Variants in PHLPP1 observed in about 807,000 individuals in gnomAD.
PHLPP1 encodes the protein PH domain and leucine rich repeat protein phosphatase 1.
A neutral mutation model predicts 117.2 loss-of-function variants in PHLPP1; 42 were observed. That is an observed-to-expected ratio of 0.36 (90% CI 0.28 to 0.46). The LOEUF is 0.46. Ranked by LOEUF, PHLPP1 falls within the 20% of genes least tolerant of loss-of-function variation. PHLPP1 has a pLI of 1.00. For synonymous variants in PHLPP1, 1,042 were observed against 970.7 expected (o/e 1.07, Z -1.37); for missense variants, 2,084 against 2,241.9 (o/e 0.93, Z 1.42).
intron 1 of PHLPP1, among the ~76,000 whole-genome samples, chr18:62,721,141 A>G (rs1910903597): frequency 6.6e-6 from 1 of 152,154 alleles, no homozygotes; most frequent in Non-Finnish European, 1.5e-5. Context: ...TCTAGTTCAA[A>G]GTGGTATTTC....
chr18:62,717,309 C>T, intron 1 of PHLPP1, 50 bp downstream of exon 1: 1 of 1,520,006 alleles, frequency 6.6e-7, no homozygotes, highest in South Asian at 1.3e-5. Context: ...TGCCGAGGAC[C>T]GAGGAGTGAT....
chr18:62,912,291 T>C (rs1916974795), intron 8 of PHLPP1, among the ~76,000 whole-genome samples: 1 of 129,290 alleles, frequency 7.7e-6, no homozygotes, highest in Non-Finnish European at 1.7e-5. Context: ...ACCCTAAAAC[T>C]TAGAGTATAA....
At chr18:62,796,969 G>A (rs949679065) in intron 1 of PHLPP1, among the ~76,000 whole-genome samples, 4 of 152,164 alleles carry the variant, frequency 2.6e-5, no homozygotes, top group Non-Finnish European at 5.9e-5. Context: ...AGCCCAGATT[G>A]CCATTTCTTA....
At chr18:62,830,498 G>T (rs1914728711) in intron 2 of PHLPP1, among the ~76,000 whole-genome samples, 1 of 152,104 alleles carries the variant, frequency 6.6e-6, no homozygotes, top group Non-Finnish European at 1.5e-5. Context: ...CAAAGTGCTG[G>T]GATTACAGGT....
rs71352589 is a variant in PHLPP1 at position 62,720,983 on chromosome 18, G to C, written c.1576+3724G>C. 2.6e-5 allele frequency among the ~76,000 whole-genome samples: 4 copies of C among 152,254 alleles called. No individual in the cohort carries two copies. In the East Asian group the frequency reaches 5.8e-4, roughly 22 times the overall value. ...GTCGTATTTCCGTCCTCGGGAGGGC[G>C]GAGAATAGAGAGCTTGGGTATTTTA... On this transcript the variant is annotated intron_variant, in intron 1 of 16. Transcript: ENST00000262719.
chr18:62,736,871 C>T (rs1911383252), intron 1 of PHLPP1, among the ~76,000 whole-genome samples: 1 of 152,130 alleles, frequency 6.6e-6, no homozygotes, highest in African/African-American at 2.4e-5. Context: ...ACTTGGTTTT[C>T]TTCTAGGAGC....
At position 62,978,395 on chromosome 18, in the gene PHLPP1, G is replaced by A. The variant is rs773184753; in HGVS notation, c.4118G>A (p.Ser1373Asn). ...CAGGATGAGTTCTTCATCCTAGGCAGTAAGGGGTTGTGGGACAGCCTGTCC... is the reference window on the plus strand; with the variant it reads ...CAGGATGAGTTCTTCATCCTAGGCAATAAGGGGTTGTGGGACAGCCTGTCC... ...TPQDEFFILG[S>N]KGLWDSLSVE... The change falls in exon 17 of 17, where the codon AGT becomes AAT. Residue 1373 changes from serine to asparagine, a missense_variant. By Grantham distance (46) the Ser-to-Asn change is conservative. Coordinates refer to ENST00000262719, the MANE Select transcript of PHLPP1 (RefSeq NM_194449.4). This position sits in a 1 kb window ranked among gnomAD's most constrained non-coding sequence, Gnocchi z 7.0. The A allele has an allele frequency of 9.9e-6, 16 of 1,612,404 alleles. 1 individual carries two copies. The highest frequency in any genetic ancestry group is 1.4e-5 in the Non-Finnish European group (16 of 1,179,364).
At chr18:62,820,412 A>T (rs1914417165) in intron 1 of PHLPP1, among the ~76,000 whole-genome samples, 1 of 152,228 alleles carries the variant, frequency 6.6e-6, no homozygotes, top group Non-Finnish European at 1.5e-5. Flanking sequence ...CATATGGAAC[A>T]TTGATATGGT....
At chr18:62,828,534 A>G (rs1394780035) in intron 1 of PHLPP1, among the ~76,000 whole-genome samples, 3 of 152,192 alleles carry the variant, frequency 2.0e-5, no homozygotes, top group Non-Finnish European at 4.4e-5. Flanking sequence ...AGTGTGAAGT[A>G]TTTATTTTAT....
At chr18:62,842,542 T>C (rs1915080442) in intron 3 of PHLPP1, among the ~76,000 whole-genome samples, 1 of 152,122 alleles carries the variant, frequency 6.6e-6, no homozygotes, top group African/African-American at 2.4e-5. Context: ...TTTTGTATTT[T>C]TAGTAGAAAC....
At chr18:62,832,126 T>C (rs1914775476) in intron 2 of PHLPP1, 1 of 152,236 alleles carries the variant, frequency 6.6e-6, no homozygotes, top group Non-Finnish European at 1.5e-5. Context: ...GCAAATCTAA[T>C]ATAACTATTC....
intron 3 of PHLPP1, among the ~76,000 whole-genome samples, chr18:62,857,982 G>C (rs1915539524): frequency 2.0e-5 from 3 of 152,208 alleles, no homozygotes; most frequent in Non-Finnish European, 4.4e-5. Flanking sequence ...TAGGAATCCT[G>C]TGTAGCGTGG....
At chr18:62,906,199 C>G (rs1404203549) in intron 8 of PHLPP1, 1 of 152,192 alleles carries the variant, frequency 6.6e-6, no homozygotes, top group Admixed American at 6.5e-5. Flanking sequence ...TGAGATTACA[C>G]AGGCTTAGCT....
At chr18:62,722,708 T>C (rs904864084) in intron 1 of PHLPP1, among the ~76,000 whole-genome samples, 2 of 152,244 alleles carry the variant, frequency 1.3e-5, no homozygotes, top group Non-Finnish European at 2.9e-5. Context: ...ATTAGATATT[T>C]ATAACCTAAG....
chr18:62,802,935 T>C (rs1247150262), intron 1 of PHLPP1, among the ~76,000 whole-genome samples: 5 of 152,154 alleles, frequency 3.3e-5, no homozygotes, highest in African/African-American at 1.2e-4. Flanking sequence ...GAACGGCATG[T>C]TGGAACCAGG....
At chr18:62,943,713 T>A (rs1910196281) in intron 11 of PHLPP1, among the ~76,000 whole-genome samples, 2 of 152,252 alleles carry the variant, frequency 1.3e-5, no homozygotes, top group South Asian at 4.1e-4. Flanking sequence ...TCTGCCCCCA[T>A]GACCAAAACA....
At chr18:62,817,851 CTTTTTTTTTTTT>C (rs71340119) in intron 1 of PHLPP1, among the ~76,000 whole-genome samples, 2 of 85,966 alleles carry the variant, frequency 2.3e-5, no homozygotes, top group Admixed American at 1.3e-4. Flanking sequence ...TGGCAACAGA[CTTTTTTTTTTTT>C]TTTTTTTTTT....
chr18:62,791,432 C>T (rs1913453227), intron 1 of PHLPP1, among the ~76,000 whole-genome samples: 1 of 152,134 alleles, frequency 6.6e-6, no homozygotes, highest in Non-Finnish European at 1.5e-5. Flanking sequence ...TTAAGAATTG[C>T]CATCAACCCC....
intron 1 of PHLPP1, among the ~76,000 whole-genome samples, chr18:62,755,337 A>T (rs148800320): frequency 3.9e-5 from 6 of 152,256 alleles, no homozygotes; most frequent in Non-Finnish European, 7.4e-5. Context: ...AGTTTTCTCA[A>T]TAAGTAACTC....
Sources: allele counts gnomAD v4.1 joint callset (sites outside exome capture counted in the v4.1 genomes callset), GRCh38; gene constraint gnomAD v4.1.1; non-coding constraint Gnocchi (gnomAD v3.1); transcripts MANE v1.5; gene names NCBI Gene and HGNC (gene_info 2026-07-23, HGNC 2026-07-21).